EP400: variants seen among roughly 807,000 people sequenced by gnomAD.
EP400 encodes E1A-binding protein p400.
EP400 carries 105 observed loss-of-function variants against 354.1 expected under a neutral mutation model. The ratio of observed to expected loss-of-function variants is 0.30; its 90% CI spans 0.25 to 0.35. The LOEUF is 0.35. EP400 is among the 10% of genes least tolerant of loss of function. The pLI, the probability that EP400 is intolerant of heterozygous loss-of-function variation, is 1.00. For synonymous variants in EP400, 1,646 were observed against 1,716.9 expected (o/e 0.96, Z 1.02); for missense variants, 3,280 against 4,121.0 (o/e 0.80, Z 5.59).
Position 132,006,153 on chromosome 12 carries a change from T to G in EP400, c.2977T>G (p.Leu993Val). The change falls in exon 14 of 53, where the codon TTG (leucine) becomes GTG (valine). Residue 993 changes from leucine (L) to valine (V), a missense_variant. Leu to Val is a conservative substitution (Grantham distance 32). Around this residue, in one of 20 missense-constraint regions of EP400, gnomAD observed 800 missense variants for 840.0 expected, o/e 0.95. Coordinates refer to ENST00000389561, the MANE Select transcript of EP400 (RefSeq NM_015409.5). Reference protein sequence around the residue: ...CPGDRESRKDLVLIDSLFIMD... With the variant: ...CPGDRESRKDVVLIDSLFIMD... The stretch of plus-strand genomic sequence containing the variant: ...AGGCGACAGGGAGAGTCGCAAGGAC[T>G]TGGTTCTCATCGACTCGCTTTTCAT... 1 of 1,614,208 alleles carries G rather than the reference T, an allele frequency of 6.2e-7. No homozygotes were observed. Among genetic ancestry groups the G allele is most frequent in the East Asian group, 2.2e-5 (1 of 44,880 alleles).
At chr12:132,001,579 A>C (rs1037026281) in intron 12 of EP400, among the ~76,000 whole-genome samples, 1 of 152,148 alleles carries the variant, frequency 6.6e-6, no homozygotes, top group Non-Finnish European at 1.5e-5. Flanking sequence ...GTGGAGGAGT[A>C]GAGTCTTCTC....
At chr12:132,004,152 CG>C (rs1408631215) in intron 12 of EP400, among the ~76,000 whole-genome samples, 19 of 152,298 alleles carry the variant, frequency 1.2e-4, no homozygotes, top group Non-Finnish European at 2.1e-4. Context: ...TTCAGCTTTC[CG>C]TGTTGATTTC....
chr12:132,062,741 C>G (rs766145109), intron 47 of EP400, 40 bp downstream of exon 47: 2 of 1,606,222 alleles, frequency 1.2e-6, no homozygotes, highest in African/African-American at 2.7e-5. Flanking sequence ...GTGCGTCTTG[C>G]GGTCAGTCAG....
In EP400 at chr12:132,036,467, G is replaced by A. The variant is rs1306986213; in HGVS notation, c.5952-1215G>A. On this transcript the variant is annotated intron_variant, in intron 30 of 52. Transcript: ENST00000389561. ...CAACACACCCAGGTTCACACGGAACGTCGTGGAAGCACGCACCCAGGTTCA... is the reference window on the plus strand; with the variant it reads ...CAACACACCCAGGTTCACACGGAACATCGTGGAAGCACGCACCCAGGTTCA... Among the ~76,000 whole-genome samples the A allele has an allele frequency of 5.3e-5, 8 of 152,202 alleles. No homozygotes were observed. In the East Asian group the frequency reaches 1.2e-3, roughly 22 times the overall value.
At position 132,006,859 on chromosome 12, in the gene EP400, C is replaced by T; in HGVS notation, c.3286C>T (p.His1096Tyr). 11 of 1,613,800 alleles carry T rather than the reference C, an allele frequency of 6.8e-6. No individual in the cohort carries two copies. The Middle Eastern group carries it at 1.8e-3, about 266-fold the overall frequency. Residue 1096 changes from histidine (H) to tyrosine (Y), a missense_variant, in exon 15 of 53, where the codon CAC (histidine) becomes TAC (tyrosine). Around this residue, in one of 20 missense-constraint regions of EP400, gnomAD observed 242 missense variants for 357.9 expected, o/e 0.68. Transcript: ENST00000389561. ...KTVQIIAFFA[H>Y]LACNEGNWGP... ...AGTGCAGATCATTGCTTTTTTTGCCCACCTAGCTTGTAACGAAGGTAAGAG... is the reference window on the plus strand; with the variant it reads ...AGTGCAGATCATTGCTTTTTTTGCCTACCTAGCTTGTAACGAAGGTAAGAG...
At position 132,067,624 on chromosome 12, in the gene EP400, T is replaced by G; in HGVS notation, c.8874+138T>G. The G allele has an allele frequency of 1.6e-6, 2 of 1,221,804 alleles. No homozygotes were observed. The highest frequency in any genetic ancestry group is 1.1e-6 in the Non-Finnish European group (1 of 886,718). 75.7% of individuals were successfully genotyped at this position (1,221,804 alleles called of 1,614,324 possible). On this transcript the variant is annotated intron_variant, in intron 50 of 52. Coordinates refer to ENST00000389561, the MANE Select transcript of EP400 (RefSeq NM_015409.5). This position sits in a 1 kb window ranked among gnomAD's most constrained non-coding sequence, Gnocchi z 5.3. ...GGGTGGCTTCAAGGGCTGGAGGTGC[T>G]AGTGTGGTCATCCCTGTTGGTTTTT...
chr12:131,981,428 TCTACTACTTCTCTGG>T, intron 3 of EP400, 46 bp from the exon 4 acceptor site: 1 of 1,355,320 alleles, frequency 7.4e-7, no homozygotes, highest in Admixed American at 2.3e-5. Context: ...CATGTTTTTT[TCTACTACTTCTCTGG>T]TTTTATTTTT....
intron 39 of EP400, among the ~76,000 whole-genome samples, chr12:132,049,452 C>T (rs1895223174): frequency 6.6e-6 from 1 of 152,176 alleles, no homozygotes; most frequent in Non-Finnish European, 1.5e-5. Context: ...TTGGTGTTGC[C>T]TTCAGAATTT....
At chr12:131,950,441 T>G (rs1425738351) in intron 1 of EP400, among the ~76,000 whole-genome samples, 1 of 152,038 alleles carries the variant, frequency 6.6e-6, no homozygotes, top group Non-Finnish European at 1.5e-5. Flanking sequence ...TGGGCTTCCC[T>G]CGGGGTCACG....
intron 30 of EP400, among the ~76,000 whole-genome samples, chr12:132,033,184 G>C (rs1401008194): frequency 6.6e-6 from 1 of 151,594 alleles, no homozygotes; most frequent in Non-Finnish European, 1.5e-5. Flanking sequence ...CCCGACCTCA[G>C]GTGATCGCCC....
chr12:131,993,508 G>A (rs1322931315), intron 11 of EP400, among the ~76,000 whole-genome samples: 2 of 152,196 alleles, frequency 1.3e-5, no homozygotes, highest in South Asian at 2.1e-4. Context: ...AGCTGCGGTC[G>A]GCTTTATGTA....
At chr12:131,954,054 A>G (rs867102156) in intron 1 of EP400, among the ~76,000 whole-genome samples, 9 of 152,232 alleles carry the variant, frequency 5.9e-5, no homozygotes, top group Middle Eastern at 6.8e-3. Context: ...CAGAGGTTGC[A>G]GTGAGCTGAG....
chr12:132,044,140 TC>T (rs1195213429), intron 34 of EP400, 36 bp from the exon 35 acceptor site: 1 of 1,610,946 alleles, frequency 6.2e-7, no homozygotes, highest in Non-Finnish European at 8.5e-7. Flanking sequence ...TGAGCTGCAC[TC>T]CTGATCCTGA....
At position 132,062,530 on chromosome 12, in the gene EP400, G is replaced by GCAGCAGCAGCAGCAGCAACAA. The variant is rs2136606572; in HGVS notation, c.8177_8178insGCAACAACAGCAGCAGCAGCA (p.Gln2742_Gln2748dup). On this transcript the variant is annotated inframe_insertion, in exon 47 of 53. Coordinates refer to ENST00000389561, the MANE Select transcript of EP400 (RefSeq NM_015409.5). The stretch of plus-strand genomic sequence containing the variant: ...CACATTTCCAGCTTCTCAGGCAGCA[G>GCAGCAGCAGCAGCAGCAACAA]CAGCAGCAGCAGCAACAACAGCAGC... The GCAGCAGCAGCAGCAGCAACAA allele has an allele frequency of 6.2e-7, 1 of 1,604,810 alleles. No individual in the cohort carries two copies. Among genetic ancestry groups the GCAGCAGCAGCAGCAGCAACAA allele is most frequent in the East Asian group, 2.2e-5 (1 of 44,764 alleles).
intron 2 of EP400, among the ~76,000 whole-genome samples, chr12:131,977,514 T>A (rs2136485974): frequency 6.6e-6 from 1 of 152,132 alleles, no homozygotes; most frequent in South Asian, 2.1e-4. Context: ...TTTTTTTTTT[T>A]TTTAATTAAA....
intron 1 of EP400, among the ~76,000 whole-genome samples, chr12:131,958,396 C>T (rs1444830871): frequency 6.6e-6 from 1 of 152,162 alleles, no homozygotes; most frequent in Admixed American, 6.6e-5. Flanking sequence ...AGAAACTAAC[C>T]ATCTGATCAA....
In EP400 at chr12:131,982,340, G is replaced by A; in HGVS notation, c.1791G>A (p.Gln597=). 6.2e-7 allele frequency: 1 copy of A among 1,614,126 alleles called. No individual in the cohort carries two copies. Among genetic ancestry groups the A allele is most frequent in the South Asian group, 1.1e-5 (1 of 91,088 alleles). The part of the protein sequence containing the change: ...QTQLQIPVKT[Q]QPNVPIPAPP... The stretch of plus-strand genomic sequence containing the variant: ...AGCTCCAAATCCCGGTGAAGACTCA[G>A]CAGCCCAATGTTCCCATCCCTGCAC... Residue 597 remains glutamine, a synonymous_variant, in exon 5 of 53, where the codon CAG becomes CAA. Coordinates refer to ENST00000389561, the MANE Select transcript of EP400 (RefSeq NM_015409.5).
At chr12:132,014,828 C>T (rs1361308421) in intron 19 of EP400, among the ~76,000 whole-genome samples, 3 of 152,302 alleles carry the variant, frequency 2.0e-5, no homozygotes, top group South Asian at 2.1e-4. Context: ...CGGGAGCAGA[C>T]GCCAGGTGAT....
At chr12:131,991,518 GC>G in intron 10 of EP400, 62 bp downstream of exon 10, 1 of 1,446,166 alleles carries the variant, frequency 6.9e-7, no homozygotes, top group Non-Finnish European at 9.7e-7. Context: ...AGTAGAGTGG[GC>G]CTTTTCATTC....
Sources: allele counts gnomAD v4.1 joint callset (sites outside exome capture counted in the v4.1 genomes callset), GRCh38; gene constraint gnomAD v4.1.1; regional missense constraint gnomAD v4.1.1; non-coding constraint Gnocchi (gnomAD v3.1); transcripts MANE v1.5; gene names NCBI Gene and HGNC (gene_info 2026-07-23, HGNC 2026-07-21).